The following CCDC201 variants were observed in gnomAD, a reference collection of about 807,000 sequenced individuals.
CCDC201 encodes coiled-coil domain containing 201.
intron 2 of CCDC201, among the ~76,000 whole-genome samples, chr7:45,865,698 C>A (rs1786660614): frequency 2.0e-5 from 3 of 152,210 alleles, no homozygotes; most frequent in Non-Finnish European, 4.4e-5. Flanking sequence ...AGCAGCCAGC[C>A]AGCGGCAGCC....
the CCDC201 span, among the ~76,000 whole-genome samples, chr7:45,884,292 G>T: frequency 3.9e-5 from 6 of 152,122 alleles, no homozygotes; most frequent in Non-Finnish European, 8.8e-5. Flanking sequence ...CAGAGACAGG[G>T]TCATGCTTTG....
chr7:45,865,225 C>T (rs1403501323), intron 2 of CCDC201, among the ~76,000 whole-genome samples: 3 of 152,218 alleles, frequency 2.0e-5, no homozygotes, highest in African/African-American at 4.8e-5. Context: ...TGGCTGCTAC[C>T]CTGGGGATCA....
At chr7:45,880,728 G>A in the CCDC201 span, among the ~76,000 whole-genome samples, 3 of 152,256 alleles carry the variant, frequency 2.0e-5, no homozygotes, top group African/African-American at 7.2e-5. Flanking sequence ...CTTAGTGCTT[G>A]CCGCCGTGTT....
At chr7:45,885,047 G>A in the CCDC201 span, among the ~76,000 whole-genome samples, 1 of 152,196 alleles carries the variant, frequency 6.6e-6, no homozygotes, top group Non-Finnish European at 1.5e-5. Context: ...GCCGCAGGAG[G>A]TGGGGGATAT....
upstream of CCDC201, among the ~76,000 whole-genome samples, chr7:45,876,833 T>C (rs1161444175): frequency 1.3e-5 from 2 of 152,204 alleles, no homozygotes; most frequent in Admixed American, 1.3e-4. Context: ...CCTGACACAT[T>C]CTTTTCACTG....
chr7:45,862,227 G>C (rs867887213), exon 3 of CCDC201: 1 of 152,314 alleles, frequency 6.6e-6, no homozygotes, highest in Non-Finnish European at 1.5e-5. Flanking sequence ...TGAGAATCAC[G>C]GTTTTGGGGC....
At chr7:45,877,970 A>G (rs532801722), upstream of CCDC201, among the ~76,000 whole-genome samples, 22 of 152,358 alleles carry the variant, frequency 1.4e-4, no homozygotes, top group African/African-American at 5.3e-4. Context: ...CTTCCAAGAT[A>G]CAATGGGGGT....
chr7:45,882,119 T>C, the CCDC201 span, among the ~76,000 whole-genome samples: 1 of 152,204 alleles, frequency 6.6e-6, no homozygotes, highest in Non-Finnish European at 1.5e-5. Flanking sequence ...GCAGCATTTC[T>C]TCCCTTTGAA....
At chr7:45,881,109 T>C in the CCDC201 span, among the ~76,000 whole-genome samples, 1 of 152,174 alleles carries the variant, frequency 6.6e-6, no homozygotes, top group Non-Finnish European at 1.5e-5. Flanking sequence ...CTGAAGCCCA[T>C]GCATGGTCCG....
chr7:45,867,613 T>C (rs1489616299), intron 1 of CCDC201, among the ~76,000 whole-genome samples: 2 of 152,194 alleles, frequency 1.3e-5, no homozygotes, highest in Non-Finnish European at 2.9e-5. Flanking sequence ...ATCACAAGAA[T>C]GCAGAATGTA....
the CCDC201 span, among the ~76,000 whole-genome samples, chr7:45,884,026 T>TCTTC: frequency 3.4e-5 from 5 of 147,518 alleles, no homozygotes; most frequent in African/African-American, 5.0e-5. Flanking sequence ...TCTCTCTCTT[T>TCTTC]CTTCCTTCCT....
upstream of CCDC201, among the ~76,000 whole-genome samples, chr7:45,873,944 A>C: frequency 7.3e-6 from 1 of 136,228 alleles, no homozygotes; most frequent in African/African-American, 2.8e-5. Flanking sequence ...TTTTTTTCAG[A>C]CAGAATCTTG....
At chr7:45,872,569 A>G (rs151290173) in intron 1 of CCDC201, among the ~76,000 whole-genome samples, 21 of 152,292 alleles carry the variant, frequency 1.4e-4, no homozygotes, top group African/African-American at 5.1e-4. Flanking sequence ...AGGAGGACCA[A>G]TGCCCAGTGT....
chr7:45,866,263 TC>T lies in CCDC201; in HGVS notation c.249del (p.Arg84GlyfsTer28), dbSNP rs1338247805. On this transcript the variant is annotated frameshift_variant, in exon 2 of 3. Transcript: ENST00000636578. LOFTEE classifies it high-confidence loss of function. Reference sequence around the variant, plus strand: ...TTGGAGGCCCAGAGAGTAGAAAGCCTCCTTTTCCTAACAGTGGCTGGAGGGC... The same window carrying T: ...TTGGAGGCCCAGAGAGTAGAAAGCCTCTTTTCCTAACAGTGGCTGGAGGGC... The T allele has an allele frequency of 1.3e-5, 2 of 155,578 alleles. No homozygotes were observed. The highest frequency in any genetic ancestry group is 2.4e-5 in the African/African-American group (1 of 41,444). 9.6% of individuals were successfully genotyped at this position (155,578 alleles called of 1,614,324 possible). A position where few individuals can be genotyped will look rare whatever the true frequency, so the allele number is the denominator to read the frequency against.
At chr7:45,874,582 G>T (rs1269446300), upstream of CCDC201, among the ~76,000 whole-genome samples, 4 of 152,230 alleles carry the variant, frequency 2.6e-5, no homozygotes, top group Non-Finnish European at 5.9e-5. Context: ...TGCGGTGAAT[G>T]CTCACCCTCA....
At chr7:45,863,368 G>T (rs1786626253) in intron 2 of CCDC201, among the ~76,000 whole-genome samples, 197 bp from the exon 3 acceptor site, 1 of 152,144 alleles carries the variant, frequency 6.6e-6, no homozygotes, top group South Asian at 2.1e-4. Flanking sequence ...GCCCACTCTT[G>T]GTGTGGAGAC....
At chr7:45,864,084 C>T (rs566352236) in intron 2 of CCDC201, among the ~76,000 whole-genome samples, 45 of 152,252 alleles carry the variant, frequency 3.0e-4, no homozygotes, top group Middle Eastern at 3.4e-3. Context: ...CTTCCTGGTG[C>T]CCAGTGTTTA....
chr7:45,864,676 G>A (rs927540448), intron 2 of CCDC201, among the ~76,000 whole-genome samples: 1 of 152,170 alleles, frequency 6.6e-6, no homozygotes, highest in Non-Finnish European at 1.5e-5. Context: ...CCCTCAGAAG[G>A]TGAGAGAAGA....
At chr7:45,879,877 G>A in the CCDC201 span, among the ~76,000 whole-genome samples, 2 of 152,214 alleles carry the variant, frequency 1.3e-5, no homozygotes, top group Non-Finnish European at 2.9e-5. Context: ...CTTGAGGTCA[G>A]GAGTTTGAGA....
Sources: gnomAD v4.1 joint callset for allele counts (sites outside exome capture counted in the v4.1 genomes callset) on GRCh38, gnomAD v4.1.1 for gene constraint, MANE v1.5 for transcripts, NCBI Gene and HGNC (gene_info 2026-07-23, HGNC 2026-07-21) for gene names.